CSMD3: variants seen among roughly 807,000 people sequenced by gnomAD.
CSMD3 encodes the protein CUB and sushi domain-containing protein 3.
CSMD3 carries 177 observed loss-of-function variants against 435.2 expected under a neutral mutation model. That is an observed-to-expected ratio of 0.41 (90% CI 0.36 to 0.46). CSMD3 has a LOEUF of 0.46. CSMD3 is among the 20% of genes least tolerant of loss of function. The probability of loss-of-function intolerance (pLI) is 0.34; values close to 1 mark genes in which losing one functional copy is unlikely to be tolerated. For missense variants in CSMD3, 4,265 were observed against 4,504.6 expected, an observed-to-expected ratio of 0.95 and a Z score of 1.52; for synonymous variants, 1,656 against 1,520.5, an observed-to-expected ratio of 1.09 and a Z score of -2.07.
intron 8 of CSMD3, among the ~76,000 whole-genome samples, chr8:112,952,689 G>A (rs1022297331): frequency 3.3e-5 from 5 of 151,322 alleles, no homozygotes; most frequent in Non-Finnish European, 5.9e-5. Context: ...TGACTGAAGT[G>A]AGAATTACTT....
chr8:112,721,771 T>C (rs2076863640), intron 13 of CSMD3, among the ~76,000 whole-genome samples: 1 of 152,136 alleles, frequency 6.6e-6, no homozygotes, highest in Non-Finnish European at 1.5e-5. Flanking sequence ...TTTCCTACAT[T>C]TTGACAACCA....
intron 1 of CSMD3, among the ~76,000 whole-genome samples, chr8:113,428,204 ATATCTATCTATCTATC>A (rs36077177): frequency 0.044 from 6,412 of 146,208 alleles, 204 homozygotes; most frequent in Non-Finnish European, 0.065. Flanking sequence ...CAACTGTGGG[ATATCTATCTATCTATC>A]TATCTATCTA....
At chr8:112,828,469 TC>T (rs1334073874) in intron 12 of CSMD3, among the ~76,000 whole-genome samples, 1 of 152,110 alleles carries the variant, frequency 6.6e-6, no homozygotes, top group Non-Finnish European at 1.5e-5. Flanking sequence ...TCTCTCTCTC[TC>T]TTTCTCTCCT....
chr8:113,353,813 A>C (rs1358833669), intron 1 of CSMD3, among the ~76,000 whole-genome samples: 1 of 152,014 alleles, frequency 6.6e-6, no homozygotes, highest in African/African-American at 2.4e-5. Flanking sequence ...TTTGAATTTT[A>C]TGCTATTCTA....
intron 3 of CSMD3, among the ~76,000 whole-genome samples, chr8:113,202,760 C>T (rs1222391365): frequency 6.6e-6 from 1 of 151,986 alleles, no homozygotes; most frequent in South Asian, 2.1e-4. Flanking sequence ...TCAATTTGGA[C>T]GCAATGTAAA....
intron 10 of CSMD3, among the ~76,000 whole-genome samples, chr8:112,893,286 A>C (rs571221815): frequency 3.4e-4 from 52 of 151,574 alleles, no homozygotes; most frequent in Non-Finnish European, 5.5e-4. Context: ...AATGTACAGC[A>C]AAGATTGAGA....
At chr8:112,341,781 G>A in intron 41 of CSMD3, 95 bp from the exon 42 acceptor site, 1 of 853,660 alleles carries the variant, frequency 1.2e-6, no homozygotes, top group East Asian at 2.6e-5. Flanking sequence ...ACTTAGATAA[G>A]TTTGCATTTA....
At chr8:113,230,968 T>C (rs2093079699) in intron 3 of CSMD3, among the ~76,000 whole-genome samples, 1 of 151,460 alleles carries the variant, frequency 6.6e-6, no homozygotes, top group Non-Finnish European at 1.5e-5. Context: ...ATTTAAAAAC[T>C]TGAAACTAAC....
intron 2 of CSMD3, among the ~76,000 whole-genome samples, chr8:113,279,990 C>T (rs1395016197): frequency 6.6e-6 from 1 of 151,802 alleles, no homozygotes; most frequent in East Asian, 1.9e-4. Context: ...GTATGTTAAA[C>T]CATCCCTGAA....
At chr8:112,990,519 C>T (rs2085417319) in intron 6 of CSMD3, among the ~76,000 whole-genome samples, 1 of 151,628 alleles carries the variant, frequency 6.6e-6, no homozygotes, top group African/African-American at 2.4e-5. Context: ...TAAACAGAGG[C>T]TTTGTGAAAA....
At chr8:112,682,958 T>C (rs1392179948) in intron 15 of CSMD3, among the ~76,000 whole-genome samples, 3 of 152,110 alleles carry the variant, frequency 2.0e-5, no homozygotes, top group Non-Finnish European at 4.4e-5. Context: ...CAGTATAAGC[T>C]GGTCAGAATT....
chr8:112,690,323 TATG>T (rs1176611663), intron 13 of CSMD3, among the ~76,000 whole-genome samples: 3 of 151,946 alleles, frequency 2.0e-5, no homozygotes, highest in African/African-American at 4.8e-5. Flanking sequence ...ACAGAAAAAT[TATG>T]ATAAGATCTC....
Position 112,642,691 on chromosome 8 carries a change from C to G in CSMD3, c.3310+2418G>C, listed in dbSNP as rs564673046. Among the ~76,000 whole-genome samples, 3 of 151,568 alleles carry G rather than the reference C, an allele frequency of 2.0e-5. No individual in the cohort carries two copies. In the South Asian group the frequency reaches 6.3e-4, roughly 32 times the overall value. ...TCAAAATCAATATGATAAAGCATAA[C>G]AGGGATACATATAAAAGCTTGCACT... On this transcript the variant is annotated intron_variant, in intron 20 of 70. Coordinates refer to ENST00000297405, the MANE Select transcript of CSMD3 (RefSeq NM_198123.2).
chr8:112,461,058 G>T (rs1817396426), intron 32 of CSMD3, among the ~76,000 whole-genome samples: 1 of 151,992 alleles, frequency 6.6e-6, no homozygotes, highest in Non-Finnish European at 1.5e-5. Context: ...CCTTTGTTAA[G>T]TCTAAAGTAG....
intron 11 of CSMD3, among the ~76,000 whole-genome samples, chr8:112,855,955 C>T (rs1328363516): frequency 1.3e-5 from 2 of 151,328 alleles, no homozygotes; most frequent in Non-Finnish European, 3.0e-5. Flanking sequence ...ATATGATTAT[C>T]TTTTGAAACT....
chr8:112,920,600 T>C (rs572708506), intron 10 of CSMD3, among the ~76,000 whole-genome samples: 8 of 151,986 alleles, frequency 5.3e-5, no homozygotes, highest in Non-Finnish European at 1.2e-4. Context: ...TGTCTAATGA[T>C]ATTGGCATAT....
chr8:112,988,426 T>C (rs984982906), intron 6 of CSMD3, among the ~76,000 whole-genome samples: 4 of 152,110 alleles, frequency 2.6e-5, no homozygotes, highest in Non-Finnish European at 4.4e-5. Context: ...GGGTGAAGTT[T>C]GATACCTCTA....
intron 2 of CSMD3, chr8:113,314,326 T>A: frequency 2.1e-6 from 1 of 477,070 alleles, no homozygotes; most frequent in East Asian, 3.9e-5. Flanking sequence ...TTAGCCACTA[T>A]AAAGAGATCA....
At chr8:113,043,135 A>C (rs1244607215) in intron 5 of CSMD3, among the ~76,000 whole-genome samples, 1 of 152,212 alleles carries the variant, frequency 6.6e-6, no homozygotes, top group Non-Finnish European at 1.5e-5. Context: ...CACGAATCTT[A>C]AAATCAGTGG....
Sources: allele counts gnomAD v4.1 joint callset (sites outside exome capture counted in the v4.1 genomes callset), GRCh38; gene constraint gnomAD v4.1.1; transcripts MANE v1.5; gene names NCBI Gene and HGNC (gene_info 2026-07-23, HGNC 2026-07-21).